The following PCDHA2 variants were observed in gnomAD, a reference collection of about 807,000 sequenced individuals.
The protein encoded by PCDHA2 is protocadherin alpha 2.
In PCDHA2, 58 loss-of-function variants were observed where a neutral mutation model predicts 66.0. That is an observed-to-expected ratio of 0.88 (90% CI 0.71 to 1.09). The LOEUF is 1.09. Among genes scored for constraint, PCDHA2 ranks in the 50% least tolerant of loss-of-function variants. The probability of loss-of-function intolerance (pLI) is 0.00; values close to 1 mark genes in which losing one functional copy is unlikely to be tolerated. For missense variants in PCDHA2, 1,267 were observed against 1,242.3 expected, an observed-to-expected ratio of 1.02 and a Z score of -0.30; for synonymous variants, 634 against 554.0, an observed-to-expected ratio of 1.14 and a Z score of -2.03.
At chr5:140,918,051 A>C (rs782531005) in intron 1 of PCDHA2, among the ~76,000 whole-genome samples, 4 of 151,984 alleles carry the variant, frequency 2.6e-5, no homozygotes, top group Admixed American at 2.0e-4. Flanking sequence ...CATTTGTTTT[A>C]TCATCTCTGA....
rs2150150288 is a variant in PCDHA2 at position 140,828,039 on chromosome 5, T to G, written c.2388+30687T>G. 212 of 1,539,464 alleles carry G rather than the reference T, an allele frequency of 1.4e-4. 1 individual carries two copies. Among genetic ancestry groups the G allele is most frequent in the Non-Finnish European group, 1.8e-4 (207 of 1,145,996 alleles). ...TAATAAATTCCGGAACATACAGTAT[T>G]TTATCTTTATGCGGAAGATCTTCTA... On this transcript the variant is annotated intron_variant, in intron 1 of 3. Coordinates refer to ENST00000526136, the MANE Select transcript of PCDHA2 (RefSeq NM_018905.3).
intron 1 of PCDHA2, chr5:140,829,062 A>G (rs1250772416): frequency 6.2e-7 from 1 of 1,612,838 alleles, no homozygotes; most frequent in South Asian, 1.1e-5. Context: ...GACGCCACGG[A>G]CAAAGGCCAT....
chr5:140,849,830 G>T lies in PCDHA2; in HGVS notation c.2388+52478G>T. The T allele has an allele frequency of 1.3e-6, 2 of 1,598,574 alleles. 1 individual carries two copies. Among genetic ancestry groups the T allele is most frequent in the Admixed American group, 3.4e-5 (2 of 59,342 alleles). On this transcript the variant is annotated intron_variant, in intron 1 of 3. Coordinates refer to ENST00000526136, the MANE Select transcript of PCDHA2 (RefSeq NM_018905.3). ...CCACGGCCAGGGTGTCTGTGGAGGT[G>T]GCCGACGTGAACGACAACGCACCAG...
Position 141,010,422 on chromosome 5 carries a change from G to A in PCDHA2, c.*485G>A. The A allele has an allele frequency of 8.7e-7, 1 of 1,145,442 alleles. No homozygotes were observed. Among genetic ancestry groups the A allele is most frequent in the Non-Finnish European group, 1.2e-6 (1 of 836,490 alleles). The allele number at this position is 1,145,442 out of a possible 1,614,324, so 71.0% of individuals were successfully genotyped here. A position where few individuals can be genotyped will look rare whatever the true frequency, so the allele number is the denominator to read the frequency against. On this transcript the variant is annotated 3_prime_UTR_variant, in exon 4 of 4. Transcript: ENST00000526136. ...AGCTTAGACTAATTGGTACAAGGAA[G>A]GCAAGAAAACAAAGACAAATAAACA... is the stretch of plus-strand genomic sequence containing the variant.
chr5:140,863,075 C>A (rs546237964), intron 1 of PCDHA2: 2 of 569,532 alleles, frequency 3.5e-6, no homozygotes, highest in South Asian at 1.4e-5. Context: ...GGGCTCTGCA[C>A]GGGCGAGATC....
At chr5:140,804,935 T>A (rs1043249168) in intron 1 of PCDHA2, 2 of 1,158,578 alleles carry the variant, frequency 1.7e-6, no homozygotes, top group Non-Finnish European at 2.3e-6. Flanking sequence ...CACTATCCTT[T>A]GTTGCTCCCT....
At position 140,849,972 on chromosome 5, in the gene PCDHA2, T is replaced by C. The variant is rs2150460905; in HGVS notation, c.2388+52620T>C. On this transcript the variant is annotated intron_variant, in intron 1 of 3. Transcript: ENST00000526136. The stretch of plus-strand genomic sequence containing the variant: ...GCAGGAGAACGCCCTGGTGTCCTAC[T>C]CGCTGGTGGAGCGGCGGTTGGGCGA... 4 of 1,597,588 alleles carry C rather than the reference T, an allele frequency of 2.5e-6. 1 individual carries two copies. Among genetic ancestry groups the C allele is most frequent in the Non-Finnish European group, 3.4e-6 (4 of 1,167,892 alleles).
At chr5:140,828,013 T>A in intron 1 of PCDHA2, 1 of 1,508,370 alleles carries the variant, frequency 6.6e-7, no homozygotes, top group Admixed American at 2.2e-5. Flanking sequence ...AAGAAATGGA[T>A]TAATAAATTC....
At chr5:140,989,531 G>C (rs782610172) in intron 3 of PCDHA2, among the ~76,000 whole-genome samples, 1 of 152,198 alleles carries the variant, frequency 6.6e-6, no homozygotes, top group Non-Finnish European at 1.5e-5. Flanking sequence ...AGAGGAGGAA[G>C]ATAGTTTGTA....
chr5:140,941,421 A>T (rs1399072425), intron 1 of PCDHA2, among the ~76,000 whole-genome samples: 1 of 149,518 alleles, frequency 6.7e-6, no homozygotes, highest in Non-Finnish European at 1.5e-5. Flanking sequence ...GGTTCAAGCA[A>T]TTCTCTGCCT....
chr5:140,799,256 A>C (rs78243922), intron 1 of PCDHA2, among the ~76,000 whole-genome samples: 1,619 of 152,184 alleles, frequency 0.011, 27 homozygotes, highest in African/African-American at 0.037. Flanking sequence ...ATCAGTATGG[A>C]GTCTACTCTG....
At chr5:140,922,241 G>A (rs1314775680) in intron 1 of PCDHA2, among the ~76,000 whole-genome samples, 1 of 152,192 alleles carries the variant, frequency 6.6e-6, no homozygotes, top group Non-Finnish European at 1.5e-5. Context: ...TGATGTGTAT[G>A]AAGATAAGTT....
At chr5:140,886,257 T>C (rs1391638514) in intron 1 of PCDHA2, among the ~76,000 whole-genome samples, 38 of 152,026 alleles carry the variant, frequency 2.5e-4, no homozygotes, top group Admixed American at 2.5e-3. Context: ...AGTATCTCTA[T>C]TTATAGATAA....
At chr5:140,894,193 T>G (rs1481492058) in intron 1 of PCDHA2, among the ~76,000 whole-genome samples, 1 of 152,170 alleles carries the variant, frequency 6.6e-6, no homozygotes, top group Non-Finnish European at 1.5e-5. Context: ...TATATATTTT[T>G]TCTATGCTAT....
At chr5:140,842,563 C>T in intron 1 of PCDHA2, 2 of 1,499,332 alleles carry the variant, frequency 1.3e-6, no homozygotes, top group South Asian at 1.2e-5. Flanking sequence ...GCGCCCTGGA[C>T]CGCGAGAGAG....
chr5:140,871,180 G>C (rs376198166), intron 1 of PCDHA2: 48 of 1,613,470 alleles, frequency 3.0e-5, no homozygotes, highest in Non-Finnish European at 3.9e-5. Context: ...GGCTGCGCTG[G>C]TGGATGTCAA....
intron 1 of PCDHA2, chr5:140,822,830 C>T: frequency 1.2e-6 from 2 of 1,614,160 alleles, no homozygotes; most frequent in Non-Finnish European, 1.7e-6. Context: ...ATGGCCATAA[C>T]CACCCTTTTC....
At chr5:140,981,601 T>C (rs2096939953) in intron 2 of PCDHA2, among the ~76,000 whole-genome samples, 1 of 152,086 alleles carries the variant, frequency 6.6e-6, no homozygotes, top group Non-Finnish European at 1.5e-5. Flanking sequence ...AACAAAATGT[T>C]CCTCTAATTT....
intron 1 of PCDHA2, among the ~76,000 whole-genome samples, chr5:140,922,064 T>C (rs2080596272): frequency 6.6e-6 from 1 of 152,054 alleles, no homozygotes; most frequent in Non-Finnish European, 1.5e-5. Flanking sequence ...AATGTAGCAA[T>C]CCCACTAAGC....
Sources: allele counts gnomAD v4.1 joint callset (sites outside exome capture counted in the v4.1 genomes callset), GRCh38; gene constraint gnomAD v4.1.1; transcripts MANE v1.5; gene names NCBI Gene and HGNC (gene_info 2026-07-23, HGNC 2026-07-21).